CACNA2D1: variants seen among roughly 807,000 people sequenced by gnomAD.
The protein encoded by CACNA2D1 is voltage-dependent calcium channel subunit alpha-2/delta-1.
In CACNA2D1, 53 loss-of-function variants were observed where a neutral mutation model predicts 171.5. The observed-to-expected ratio is 0.31, with a 90% CI of 0.25 to 0.39. CACNA2D1 has a LOEUF of 0.39. Ranked by LOEUF, CACNA2D1 falls within the 10% of genes least tolerant of loss-of-function variation. The pLI is 1.00. For synonymous variants in CACNA2D1, 442 were observed against 443.1 expected (o/e 1.00, Z 0.03); for missense variants, 903 against 1,299.8 (o/e 0.69, Z 4.69).
At chr7:82,180,516 C>A (rs1022821970) in intron 3 of CACNA2D1, among the ~76,000 whole-genome samples, 1 of 152,168 alleles carries the variant, frequency 6.6e-6, no homozygotes, top group Non-Finnish European at 1.5e-5. Flanking sequence ...GGCAAAATCT[C>A]AGACCCTTTA....
chr7:82,092,694 C>T (rs1232586060), intron 6 of CACNA2D1, among the ~76,000 whole-genome samples: 1 of 151,556 alleles, frequency 6.6e-6, no homozygotes, highest in African/African-American at 2.4e-5. Context: ...TGCCCGGCCA[C>T]TTCACAGCCA....
intron 3 of CACNA2D1, among the ~76,000 whole-genome samples, chr7:82,292,794 G>A (rs1447361814): frequency 6.6e-6 from 1 of 151,856 alleles, no homozygotes; most frequent in East Asian, 1.9e-4. Flanking sequence ...TTAGTTATGG[G>A]AAATTATACA....
intron 5 of CACNA2D1, among the ~76,000 whole-genome samples, chr7:82,131,573 T>C (rs1584861675): frequency 1.3e-5 from 2 of 152,318 alleles, no homozygotes; most frequent in African/African-American, 2.4e-5. Context: ...TTAATCCCCA[T>C]TGAAACATAC....
chr7:82,036,516 C>T (rs915558669), intron 11 of CACNA2D1, among the ~76,000 whole-genome samples: 6 of 152,192 alleles, frequency 3.9e-5, no homozygotes, highest in Admixed American at 2.6e-4. Flanking sequence ...GGAAATGCCA[C>T]ACTTTTCCTG....
chr7:82,309,647 G>A (rs1814177225), intron 3 of CACNA2D1, among the ~76,000 whole-genome samples: 1 of 152,112 alleles, frequency 6.6e-6, no homozygotes, highest in Non-Finnish European at 1.5e-5. Flanking sequence ...CTTTATGTGA[G>A]CTTCTATCTT....
intron 1 of CACNA2D1, among the ~76,000 whole-genome samples, chr7:82,380,749 C>A (rs1352553014): frequency 6.6e-6 from 1 of 152,134 alleles, no homozygotes; most frequent in East Asian, 2.0e-4. Context: ...CACTGGTGTG[C>A]GGTGGCATGA....
intron 6 of CACNA2D1, among the ~76,000 whole-genome samples, chr7:82,089,686 G>C (rs1360809518): frequency 1.3e-5 from 2 of 151,838 alleles, no homozygotes; most frequent in Non-Finnish European, 2.9e-5. Context: ...CAGCACAAAA[G>C]AAACCCCTTA....
chr7:82,369,628 A>G (rs1050033284), intron 1 of CACNA2D1, among the ~76,000 whole-genome samples: 1 of 152,120 alleles, frequency 6.6e-6, no homozygotes, highest in African/African-American at 2.4e-5. Flanking sequence ...GACCATAAGC[A>G]AAATCCTATA....
intron 24 of CACNA2D1, among the ~76,000 whole-genome samples, chr7:81,977,035 C>A (rs1385350408): frequency 6.6e-6 from 1 of 152,052 alleles, no homozygotes; most frequent in Non-Finnish European, 1.5e-5. Flanking sequence ...TATTTGAATA[C>A]CCTTTATTTC....
chr7:82,303,856 T>G (rs2129427998), intron 3 of CACNA2D1, among the ~76,000 whole-genome samples: 1 of 151,876 alleles, frequency 6.6e-6, no homozygotes, highest in South Asian at 2.1e-4. Flanking sequence ...AAAAACAAAA[T>G]TAGACAAATG....
intron 3 of CACNA2D1, among the ~76,000 whole-genome samples, chr7:82,252,764 C>G (rs1430897148): frequency 6.6e-6 from 1 of 152,048 alleles, no homozygotes; most frequent in East Asian, 1.9e-4. Flanking sequence ...GTGGTGCGTG[C>G]CTGTAGTCCC....
At chr7:82,271,650 T>C (rs1808647319) in intron 3 of CACNA2D1, among the ~76,000 whole-genome samples, 2 of 152,206 alleles carry the variant, frequency 1.3e-5, no homozygotes, top group East Asian at 1.9e-4. Flanking sequence ...CGTTGTTTTA[T>C]TATTTCTATT....
Position 82,273,752 on chromosome 7 carries a change from G to A in CACNA2D1, c.294+61383C>T, listed in dbSNP as rs561130049. 9.9e-4 allele frequency among the ~76,000 whole-genome samples: 150 copies of A among 152,244 alleles called. 3 individuals carry two copies. The highest frequency in any genetic ancestry group is 3.3e-3 in the South Asian group (16 of 4,818). ...TTCCAATTTAATAAAAGTTGTGTGC[G>A]TATGCATGCATAAGTGTGCAGATGT... is the stretch of plus-strand genomic sequence containing the variant. On this transcript the variant is annotated intron_variant, in intron 3 of 38. Transcript: ENST00000356860.
intron 1 of CACNA2D1, among the ~76,000 whole-genome samples, chr7:82,416,837 C>T (rs1828226487): frequency 1.3e-5 from 2 of 152,126 alleles, no homozygotes; most frequent in South Asian, 4.1e-4. Context: ...TGTGGGTACT[C>T]GACAGCAGTC....
chr7:82,353,618 A>C lies in CACNA2D1; in HGVS notation c.96-3969T>G, dbSNP rs144173054. ...AAAGAACAAATAGAGGAACCTGAGT[A>C]GTAACTAGAAAAAGGAATCCAAGAA... On this transcript the variant is annotated intron_variant, in intron 1 of 38. Transcript: ENST00000356860. Among the ~76,000 whole-genome samples, 1,061 of 152,260 alleles carry C rather than the reference A, an allele frequency of 7.0e-3. 15 individuals carry two copies. The highest frequency in any genetic ancestry group is 0.025 in the African/African-American group (1,021 of 41,548).
chr7:82,399,716 A>G (rs1358673794), intron 1 of CACNA2D1, among the ~76,000 whole-genome samples: 1 of 4,660 alleles, frequency 2.1e-4, no homozygotes, highest in Non-Finnish European at 5.8e-4. Context: ...CCCCCACCCC[A>G]TACACACACC....
intron 3 of CACNA2D1, among the ~76,000 whole-genome samples, chr7:82,319,685 T>C (rs750183060): frequency 1.3e-5 from 2 of 152,230 alleles, no homozygotes; most frequent in Admixed American, 6.5e-5. Context: ...TTATTATTTA[T>C]TATTAGACCT....
chr7:82,050,332 CCT>C (rs1805046288), intron 10 of CACNA2D1: 1 of 415,562 alleles, frequency 2.4e-6, no homozygotes, highest in Admixed American at 3.7e-5. Flanking sequence ...AAATACAAGC[CCT>C]CTGAGTCAGA....
At chr7:82,350,100 C>T (rs1819680108) in intron 1 of CACNA2D1, among the ~76,000 whole-genome samples, 1 of 152,118 alleles carries the variant, frequency 6.6e-6, no homozygotes, top group African/African-American at 2.4e-5. Context: ...GATGCATTCC[C>T]TTCTAGTGTT....
Sources: allele counts gnomAD v4.1 joint callset (sites outside exome capture counted in the v4.1 genomes callset), GRCh38; gene constraint gnomAD v4.1.1; transcripts MANE v1.5; gene names NCBI Gene and HGNC (gene_info 2026-07-23, HGNC 2026-07-21).